SEMA3E: variants seen among roughly 807,000 people sequenced by gnomAD.
SEMA3E encodes semaphorin-3E.
A neutral mutation model predicts 93.6 loss-of-function variants in SEMA3E; 49 were observed. The observed-to-expected ratio is 0.52, with a 90% CI of 0.42 to 0.66. SEMA3E has a LOEUF of 0.66. SEMA3E is among the 30% of genes least tolerant of loss of function. The pLI is 0.00. For missense variants in SEMA3E, 906 were observed against 964.8 expected, an observed-to-expected ratio of 0.94 and a Z score of 0.81; for synonymous variants, 363 against 330.7, an observed-to-expected ratio of 1.10 and a Z score of -1.06.
At chr7:83,507,226 G>GA (rs1274240135) in intron 1 of SEMA3E, among the ~76,000 whole-genome samples, 9 of 152,028 alleles carry the variant, frequency 5.9e-5, no homozygotes, top group East Asian at 1.9e-4. Flanking sequence ...TATCTGGAAG[G>GA]AAAAAATCCA....
chr7:83,482,393 C>T lies in SEMA3E; in HGVS notation c.276+7721G>A, dbSNP rs139598135. ...CATCCCAGCTAACAGGGTGAAATCCCGTCTCTACTAAAAATACAAAAAATT... is the reference window on the plus strand; with the variant it reads ...CATCCCAGCTAACAGGGTGAAATCCTGTCTCTACTAAAAATACAAAAAATT... On this transcript the variant is annotated intron_variant, in intron 2 of 16. Coordinates refer to ENST00000643230, the MANE Select transcript of SEMA3E (RefSeq NM_012431.3). 5.1e-3 allele frequency among the ~76,000 whole-genome samples: 773 copies of T among 151,530 alleles called. 10 individuals are homozygous for T. The highest frequency in any genetic ancestry group is 0.018 in the African/African-American group (741 of 41,262).
chr7:83,432,910 T>C (rs955316629), intron 4 of SEMA3E, among the ~76,000 whole-genome samples: 3 of 152,174 alleles, frequency 2.0e-5, no homozygotes, highest in South Asian at 2.1e-4. Flanking sequence ...ATAAATCTTA[T>C]TGTAATTTTT....
At chr7:83,633,301 C>CGA (rs1793822390) in intron 1 of SEMA3E, among the ~76,000 whole-genome samples, 1 of 152,132 alleles carries the variant, frequency 6.6e-6, no homozygotes, top group African/African-American at 2.4e-5. Context: ...TTTAAAAGCT[C>CGA]TTTCATTTAA....
At chr7:83,385,655 A>T (rs1787864106) in intron 15 of SEMA3E, among the ~76,000 whole-genome samples, 1 of 152,150 alleles carries the variant, frequency 6.6e-6, no homozygotes, top group Non-Finnish European at 1.5e-5. Flanking sequence ...TAGGTAACTG[A>T]GAGTCTGGTT....
intron 1 of SEMA3E, among the ~76,000 whole-genome samples, chr7:83,499,868 TCAG>T (rs1790562473): frequency 6.6e-6 from 1 of 152,108 alleles, no homozygotes; most frequent in Non-Finnish European, 1.5e-5. Flanking sequence ...ATGTTACTCA[TCAG>T]AAGTGGGCAA....
intron 14 of SEMA3E, among the ~76,000 whole-genome samples, chr7:83,389,241 T>G (rs1185386815): frequency 1.3e-5 from 2 of 152,096 alleles, no homozygotes; most frequent in Non-Finnish European, 2.9e-5. Flanking sequence ...AGAATTAAAA[T>G]GCTGTTGTTA....
intron 1 of SEMA3E, among the ~76,000 whole-genome samples, chr7:83,627,082 A>G (rs1793685164): frequency 6.6e-6 from 1 of 152,020 alleles, no homozygotes; most frequent in Admixed American, 6.6e-5. Flanking sequence ...CGTTTGTTAC[A>G]ATTTGTGTTC....
intron 4 of SEMA3E, among the ~76,000 whole-genome samples, chr7:83,441,750 G>C (rs985173177): frequency 6.8e-6 from 1 of 146,188 alleles, no homozygotes; most frequent in Admixed American, 6.8e-5. Flanking sequence ...TAAGCCTACA[G>C]GTATGGATAC....
At chr7:83,633,107 A>C (rs2115680105) in intron 1 of SEMA3E, among the ~76,000 whole-genome samples, 1 of 152,184 alleles carries the variant, frequency 6.6e-6, no homozygotes, top group South Asian at 2.1e-4. Flanking sequence ...GGTTGATTTT[A>C]ATTCCCTAAT....
rs1048977818 is a variant in SEMA3E at position 83,488,906 on chromosome 7, C to T, written c.276+1208G>A. Among the ~76,000 whole-genome samples, 3 of 151,452 alleles carry T rather than the reference C, an allele frequency of 2.0e-5. No individual in the cohort carries two copies. In the East Asian group the frequency reaches 5.8e-4, roughly 29 times the overall value. ...TGGCGAAAAATTAGTGAAACTAATA[C>T]AAAAATCTTATCAAATGGAAAAAAT... is the stretch of plus-strand genomic sequence containing the variant. On this transcript the variant is annotated intron_variant, in intron 2 of 16. Transcript: ENST00000643230.
At chr7:83,579,796 C>T (rs138668075) in intron 1 of SEMA3E, among the ~76,000 whole-genome samples, 33 of 152,108 alleles carry the variant, frequency 2.2e-4, no homozygotes, top group East Asian at 3.9e-4. Context: ...ATAATTTATA[C>T]GTGTAACCCA....
chr7:83,554,095 T>C (rs1349873446), intron 1 of SEMA3E, among the ~76,000 whole-genome samples: 1 of 152,204 alleles, frequency 6.6e-6, no homozygotes, highest in Non-Finnish European at 1.5e-5. Flanking sequence ...GTTAAGAATA[T>C]ATTCTCATAG....
intron 4 of SEMA3E, among the ~76,000 whole-genome samples, chr7:83,464,300 T>C: frequency 6.6e-6 from 1 of 151,600 alleles, no homozygotes; most frequent in Non-Finnish European, 1.5e-5. Context: ...GTACAGCCCA[T>C]TTAAGCTCCT....
rs570914196 is a variant in SEMA3E, at chr7:83,381,181, T to C, written c.1875+4113A>G. 2.6e-5 allele frequency among the ~76,000 whole-genome samples: 4 copies of C among 152,088 alleles called. No homozygotes were observed. In the South Asian group the frequency reaches 8.3e-4, roughly 32 times the overall value. On this transcript the variant is annotated intron_variant, in intron 16 of 16. Transcript: ENST00000643230. Reference sequence around the variant, plus strand: ...CTGCTGAAAATACACAATGGTTTCCTTTTTAATTCAGAACACCAAAACCCT... The same window carrying C: ...CTGCTGAAAATACACAATGGTTTCCCTTTTAATTCAGAACACCAAAACCCT...
intron 4 of SEMA3E, among the ~76,000 whole-genome samples, chr7:83,427,470 G>A (rs1013378853): frequency 3.3e-5 from 5 of 152,082 alleles, no homozygotes; most frequent in Non-Finnish European, 7.3e-5. Context: ...CAACTGAGAT[G>A]TGGAAATTTT....
chr7:83,395,619 T>C (rs1263019280), intron 12 of SEMA3E, among the ~76,000 whole-genome samples: 2 of 152,162 alleles, frequency 1.3e-5, no homozygotes, highest in African/African-American at 4.8e-5. Flanking sequence ...TGTAAATAAA[T>C]ATCTTTTTCA....
chr7:83,516,267 T>G (rs2115667994), intron 1 of SEMA3E, among the ~76,000 whole-genome samples: 1 of 152,324 alleles, frequency 6.6e-6, no homozygotes, highest in Non-Finnish European at 1.5e-5. Flanking sequence ...GCTTCACAGT[T>G]TCCCTCCTTT....
At chr7:83,529,758 C>A (rs1455441639) in intron 1 of SEMA3E, among the ~76,000 whole-genome samples, 4 of 152,070 alleles carry the variant, frequency 2.6e-5, no homozygotes, top group African/African-American at 9.7e-5. Context: ...TATTAGTATT[C>A]TCTCAATAGT....
chr7:83,442,398 T>C lies in SEMA3E; in HGVS notation c.457-23915A>G, dbSNP rs186562498. On this transcript the variant is annotated intron_variant, in intron 4 of 16. Transcript: ENST00000643230. ...AGATGTTTACCAGACTCAGTTCTGTTTGGAAACAAGGCAGGCAATTTTCTG... is the reference window on the plus strand; with the variant it reads ...AGATGTTTACCAGACTCAGTTCTGTCTGGAAACAAGGCAGGCAATTTTCTG... Among the ~76,000 whole-genome samples, 410 of 152,294 alleles carry C rather than the reference T, an allele frequency of 2.7e-3. 3 individuals carry two copies. The highest frequency in any genetic ancestry group is 9.1e-3 in the African/African-American group (378 of 41,578).
Sources: allele counts gnomAD v4.1 joint callset (sites outside exome capture counted in the v4.1 genomes callset), GRCh38; gene constraint gnomAD v4.1.1; transcripts MANE v1.5; gene names NCBI Gene and HGNC (gene_info 2026-07-23, HGNC 2026-07-21).